TAFA1: variants seen among roughly 807,000 people sequenced by gnomAD.
TAFA1 encodes chemokine-like protein TAFA-1.
A neutral mutation model predicts 18.5 loss-of-function variants in TAFA1; 4 were observed. That is an observed-to-expected ratio of 0.22 (90% CI 0.11 to 0.49). The LOEUF (loss-of-function observed/expected upper bound fraction) is 0.49. Ranked by LOEUF, TAFA1 falls within the 20% of genes least tolerant of loss-of-function variation. TAFA1 has a pLI of 0.98. For synonymous variants in TAFA1, 56 were observed against 55.2 expected (o/e 1.01, Z -0.06); for missense variants, 147 against 169.0 (o/e 0.87, Z 0.72).
chr3:68,347,013 C>T (rs1324386057), intron 2 of TAFA1, among the ~76,000 whole-genome samples: 1 of 152,114 alleles, frequency 6.6e-6, no homozygotes, highest in Non-Finnish European at 1.5e-5. Flanking sequence ...TTGCATTAGT[C>T]CAGCCTGTTT....
intron 2 of TAFA1, among the ~76,000 whole-genome samples, chr3:68,257,044 A>G (rs2067312641): frequency 6.6e-6 from 1 of 151,916 alleles, no homozygotes; most frequent in African/African-American, 2.4e-5. Context: ...GCTTCATCTC[A>G]TGTCTTCCCT....
At chr3:68,060,184 C>CTGTGTG (rs1007217157) in intron 2 of TAFA1, among the ~76,000 whole-genome samples, 24 of 143,992 alleles carry the variant, frequency 1.7e-4, no homozygotes, top group African/African-American at 5.8e-4. Context: ...ACCATTGCAA[C>CTGTGTG]TGTGTGTGTG....
chr3:68,148,420 T>C (rs984205998), intron 2 of TAFA1, among the ~76,000 whole-genome samples: 2 of 152,232 alleles, frequency 1.3e-5, no homozygotes, highest in African/African-American at 4.8e-5. Flanking sequence ...TCAGTTTGGC[T>C]CAGAAAGTTT....
intron 2 of TAFA1, among the ~76,000 whole-genome samples, chr3:68,031,647 G>A (rs923035855): frequency 6.6e-6 from 1 of 152,102 alleles, no homozygotes; most frequent in African/African-American, 2.4e-5. Flanking sequence ...AAATCCCAAA[G>A]CCTAGCAGAG....
At chr3:68,292,367 T>C (rs752682589) in intron 2 of TAFA1, among the ~76,000 whole-genome samples, 3 of 149,946 alleles carry the variant, frequency 2.0e-5, no homozygotes, top group Non-Finnish European at 4.4e-5. Flanking sequence ...AGAGCTGTGA[T>C]TGCACCACAG....
At chr3:68,093,565 C>T (rs373110315) in intron 2 of TAFA1, among the ~76,000 whole-genome samples, 9 of 151,582 alleles carry the variant, frequency 5.9e-5, no homozygotes, top group East Asian at 1.9e-4. Flanking sequence ...GGTGGGATCT[C>T]GGGAGGTAGG....
intron 3 of TAFA1, among the ~76,000 whole-genome samples, chr3:68,421,847 T>C (rs188137633): frequency 6.6e-6 from 1 of 152,248 alleles, no homozygotes. Context: ...ATGAGTTTTG[T>C]TTCATATTAA....
At chr3:68,369,531 A>G (rs755460931) in intron 2 of TAFA1, among the ~76,000 whole-genome samples, 4 of 152,214 alleles carry the variant, frequency 2.6e-5, no homozygotes, top group Non-Finnish European at 5.9e-5. Context: ...GGTGCTATCA[A>G]CCCTGTCACC....
At chr3:68,327,951 A>C (rs1229607127) in intron 2 of TAFA1, among the ~76,000 whole-genome samples, 1 of 152,206 alleles carries the variant, frequency 6.6e-6, no homozygotes, top group African/African-American at 2.4e-5. Context: ...GGTATGGAGA[A>C]AATTTTAATG....
In TAFA1 at chr3:68,230,499, A is replaced by C. The variant is rs149425446; in HGVS notation, c.119-186781A>C. On this transcript the variant is annotated intron_variant, in intron 2 of 4. Transcript: ENST00000478136. ...GTATTTCATTGTGTATATGTACCACATTTTCTTTATTCATTCATCTATTGA... is the reference window on the plus strand; with the variant it reads ...GTATTTCATTGTGTATATGTACCACCTTTTCTTTATTCATTCATCTATTGA... Among the ~76,000 whole-genome samples the C allele has an allele frequency of 8.5e-3, 1,286 of 152,036 alleles. 16 individuals are homozygous for C. The highest frequency in any genetic ancestry group is 0.029 in the African/African-American group (1,222 of 41,430).
intron 2 of TAFA1, among the ~76,000 whole-genome samples, chr3:68,380,102 CT>C (rs1284157410): frequency 6.6e-6 from 1 of 152,034 alleles, no homozygotes; most frequent in African/African-American, 2.4e-5. Context: ...TGAACTCATC[CT>C]TTTTTATGGC....
At chr3:68,133,499 A>G (rs1026420741) in intron 2 of TAFA1, among the ~76,000 whole-genome samples, 1 of 152,116 alleles carries the variant, frequency 6.6e-6, no homozygotes, top group Non-Finnish European at 1.5e-5. Flanking sequence ...TGATCCATGA[A>G]CATGGAATGT....
chr3:68,185,831 G>C (rs1200801796), intron 2 of TAFA1, among the ~76,000 whole-genome samples: 20 of 152,014 alleles, frequency 1.3e-4, no homozygotes, highest in Admixed American at 1.2e-3. Context: ...AGGATCCCTT[G>C]AACCCAGGAA....
intron 2 of TAFA1, among the ~76,000 whole-genome samples, chr3:68,325,454 G>A (rs879717183): frequency 5.9e-5 from 9 of 152,140 alleles, no homozygotes; most frequent in Non-Finnish European, 8.8e-5. Context: ...GGCAACATAT[G>A]TGGAGATTTT....
intron 2 of TAFA1, among the ~76,000 whole-genome samples, chr3:68,367,416 G>C (rs1049788952): frequency 6.6e-6 from 1 of 152,118 alleles, no homozygotes; most frequent in African/African-American, 2.4e-5. Flanking sequence ...GGAAACAAAG[G>C]TTAGGTCAAA....
At chr3:68,361,342 GGT>G (rs2069464123) in intron 2 of TAFA1, among the ~76,000 whole-genome samples, 4 of 152,008 alleles carry the variant, frequency 2.6e-5, no homozygotes, top group Admixed American at 2.0e-4. Flanking sequence ...GGCTGAGAAA[GGT>G]GTGTGAGTGA....
At chr3:68,060,856 G>C (rs1409345749) in intron 2 of TAFA1, among the ~76,000 whole-genome samples, 3 of 152,192 alleles carry the variant, frequency 2.0e-5, no homozygotes, top group African/African-American at 7.2e-5. Context: ...GATTGCTCTT[G>C]TTAGTGGTTA....
intron 3 of TAFA1, among the ~76,000 whole-genome samples, chr3:68,428,181 G>T (rs2071096039): frequency 2.0e-5 from 3 of 151,876 alleles, no homozygotes; most frequent in Non-Finnish European, 2.9e-5. Flanking sequence ...AGAGCAGAGG[G>T]AGAGGAGGAA....
intron 2 of TAFA1, among the ~76,000 whole-genome samples, chr3:68,222,609 G>A (rs2066745181): frequency 6.6e-6 from 1 of 152,130 alleles, no homozygotes; most frequent in African/African-American, 2.4e-5. Flanking sequence ...ATTTTCTAAT[G>A]GAGGATCATC....
Sources: allele counts gnomAD v4.1 joint callset (sites outside exome capture counted in the v4.1 genomes callset), GRCh38; gene constraint gnomAD v4.1.1; transcripts MANE v1.5; gene names NCBI Gene and HGNC (gene_info 2026-07-23, HGNC 2026-07-21).